The following WDHD1 variants were observed in gnomAD, a reference collection of about 807,000 sequenced individuals.
The protein encoded by WDHD1 is WD repeat and HMG-box DNA-binding protein 1.
Under a neutral mutation model 135.4 loss-of-function variants are expected in WDHD1, and 111 were observed. That is an observed-to-expected ratio of 0.82 (90% confidence interval 0.70 to 0.96). The LOEUF (loss-of-function observed/expected upper bound fraction) is 0.96. WDHD1 is among the 40% of genes least tolerant of loss of function. WDHD1 has a pLI of 0.00. For synonymous variants in WDHD1, 434 were observed against 439.0 expected (o/e 0.99, Z 0.14); for missense variants, 1,351 against 1,336.3 (o/e 1.01, Z -0.17).
chr14:54,991,504 A>T (rs2041789385), intron 11 of WDHD1, 104 bp from the exon 12 acceptor site: 2 of 1,087,924 alleles, frequency 1.8e-6, no homozygotes, highest in Non-Finnish European at 2.7e-6. Context: ...ATTCAATGAC[A>T]CTGACATGCT....
Position 54,981,752 on chromosome 14 carries a change from C to T in WDHD1, c.1907-56G>A, listed in dbSNP as rs139399115. On this transcript the variant is annotated intron_variant, in intron 15 of 25. Coordinates refer to ENST00000360586, the MANE Select transcript of WDHD1 (RefSeq NM_007086.4). ...CATAGCTACATGTTGTTAAAGGAAC[C>T]CTATTTCAAATATATTATACATACC... is the stretch of plus-strand genomic sequence containing the variant. 2.1e-3 allele frequency: 2,582 copies of T among 1,213,770 alleles called. 6 individuals are homozygous for T. The highest frequency in any genetic ancestry group is 2.7e-3 in the Non-Finnish European group (2,220 of 837,098). The allele number at this position is 1,213,770 out of a possible 1,614,324, so 75.2% of individuals were successfully genotyped here. A position where few individuals can be genotyped will look rare whatever the true frequency, so the allele number is the denominator to read the frequency against.
rs1271051595 is a variant in WDHD1 at position 54,995,610 on chromosome 14, GT to G, written c.1145del (p.Asn382ThrfsTer8). 1 of 1,589,948 alleles carries G rather than the reference GT, an allele frequency of 6.3e-7. No homozygotes were observed. Among genetic ancestry groups the G allele is most frequent in the Non-Finnish European group, 8.5e-7 (1 of 1,169,954 alleles). On this transcript the variant is annotated frameshift_variant, in exon 11 of 26. Transcript: ENST00000360586. LOFTEE classifies it high-confidence loss of function. The part of the protein sequence containing the change: ...QRSHILEDDE[N>X]SVDISMLKTG... Reference sequence around the variant, plus strand: ...ACAAAGTCAAATTCTTACCAACTGAGTTTTCATCATCTTCTAGGATGTGACT... The same window carrying G: ...ACAAAGTCAAATTCTTACCAACTGAGTTTCATCATCTTCTAGGATGTGACT...
intron 7 of WDHD1, among the ~76,000 whole-genome samples, chr14:55,004,593 C>T (rs2042033209): frequency 6.6e-6 from 1 of 152,196 alleles, no homozygotes; most frequent in South Asian, 2.1e-4. Flanking sequence ...GCTGGGATTA[C>T]AGGCATGTGC....
chr14:55,005,683 G>T, intron 7 of WDHD1: 1 of 505,232 alleles, frequency 2.0e-6, no homozygotes, highest in South Asian at 1.7e-5. Context: ...AGAGGTTCTA[G>T]ACATTGTGAA....
At chr14:54,966,355 C>CCAA in intron 18 of WDHD1, 120 bp downstream of exon 18, 8 of 1,195,026 alleles carry the variant, frequency 6.7e-6, no homozygotes, top group Non-Finnish European at 8.8e-6. Context: ...ACAACAACAA[C>CCAA]AAAAAAAAAC....
rs1350491065 is a variant in WDHD1 at position 54,962,545 on chromosome 14, T to C, written c.2654A>G (p.Asn885Ser). The C allele has an allele frequency of 1.2e-6, 2 of 1,609,652 alleles. No individual in the cohort carries two copies. Among genetic ancestry groups the C allele is most frequent in the East Asian group, 4.5e-5 (2 of 44,834 alleles). ...EKPEIHKPGQNSFSKSTNSSD... is the reference protein window; with the variant it reads ...EKPEIHKPGQSSFSKSTNSSD... Reference sequence around the variant, plus strand: ...GGAATTTGTACTTTTGGAAAACGAGTTCTGTCCTACAGATTAAAATAAAGC... The same window carrying C: ...GGAATTTGTACTTTTGGAAAACGAGCTCTGTCCTACAGATTAAAATAAAGC... Residue 885 changes from asparagine (N) to serine (S), a missense_variant, in exon 21 of 26, where the codon AAC becomes AGC. Asn to Ser is a conservative substitution (Grantham distance 46, BLOSUM62 1). Coordinates refer to ENST00000360586, the MANE Select transcript of WDHD1 (RefSeq NM_007086.4).
chr14:55,003,122 T>C (rs1448774652), intron 7 of WDHD1, among the ~76,000 whole-genome samples: 1 of 152,118 alleles, frequency 6.6e-6, no homozygotes, highest in African/African-American at 2.4e-5. Context: ...TTTAAAAAAT[T>C]TTTAAATTAG....
chr14:54,951,704 G>T (rs1031988447), intron 24 of WDHD1, among the ~76,000 whole-genome samples: 1 of 152,128 alleles, frequency 6.6e-6, no homozygotes, highest in Non-Finnish European at 1.5e-5. Context: ...CAAAAAAAGA[G>T]AATTTTAGAC....
At chr14:54,950,895 C>G (rs530200790) in intron 24 of WDHD1, among the ~76,000 whole-genome samples, 21 of 152,292 alleles carry the variant, frequency 1.4e-4, no homozygotes, top group Non-Finnish European at 3.1e-4. Flanking sequence ...TCCTGAATGA[C>G]TACTGGGTAC....
intron 4 of WDHD1, 143 bp from the exon 5 acceptor site, chr14:55,008,862 GC>G: frequency 1.7e-6 from 1 of 601,698 alleles, no homozygotes. Context: ...GTGCAGTGGT[GC>G]GATCTCAACT....
intron 2 of WDHD1, among the ~76,000 whole-genome samples, chr14:55,019,569 T>C (rs1018468573): frequency 4.6e-5 from 7 of 152,148 alleles, no homozygotes; most frequent in African/African-American, 1.7e-4. Context: ...GGATTTACTT[T>C]AAAATAATAA....
Position 54,979,362 on chromosome 14 carries a change from C to T in WDHD1, c.2063+2178G>A, listed in dbSNP as rs538144469. Among the ~76,000 whole-genome samples, 5 of 152,272 alleles carry T rather than the reference C, an allele frequency of 3.3e-5. No individual in the cohort carries two copies. The South Asian group carries it at 1.0e-3, about 32-fold the overall frequency. Reference sequence around the variant, plus strand: ...GTTGAAACTGGGTCTCACTATGTTGCCCAGGCTGGTCTCAAACTCCTGGCC... The same window carrying T: ...GTTGAAACTGGGTCTCACTATGTTGTCCAGGCTGGTCTCAAACTCCTGGCC... On this transcript the variant is annotated intron_variant, in intron 16 of 25. Transcript: ENST00000360586.
intron 16 of WDHD1, among the ~76,000 whole-genome samples, chr14:54,976,794 G>C (rs946408327): frequency 6.6e-6 from 1 of 151,254 alleles, no homozygotes; most frequent in South Asian, 2.1e-4. Context: ...CAAAAAAAAA[G>C]AAAAATATTC....
At chr14:54,981,133 C>T (rs1225558544) in intron 16 of WDHD1, among the ~76,000 whole-genome samples, 1 of 151,980 alleles carries the variant, frequency 6.6e-6, no homozygotes, top group African/African-American at 2.4e-5. Context: ...CCTCCTATTA[C>T]GATAATTAAG....
intron 2 of WDHD1, among the ~76,000 whole-genome samples, chr14:55,015,218 C>G (rs1347219750): frequency 6.6e-6 from 1 of 151,768 alleles, no homozygotes; most frequent in African/African-American, 2.4e-5. Flanking sequence ...AACCCTGAGT[C>G]TACTAAAAAT....
Sources: allele counts gnomAD v4.1 joint callset (sites outside exome capture counted in the v4.1 genomes callset), GRCh38; gene constraint gnomAD v4.1.1; transcripts MANE v1.5; gene names NCBI Gene and HGNC (gene_info 2026-07-23, HGNC 2026-07-21).